Variants in DGKI observed in about 807,000 individuals in gnomAD.
The protein encoded by DGKI is DAG kinase iota.
In DGKI, 55 loss-of-function variants were observed where a neutral mutation model predicts 147.5. That is an observed-to-expected ratio of 0.37 (90% CI 0.30 to 0.47). The LOEUF (loss-of-function observed/expected upper bound fraction) is 0.47. Among genes scored for constraint, DGKI ranks in the 20% least tolerant of loss-of-function variants. DGKI has a pLI of 1.00. For missense variants in DGKI, 1,007 were observed against 1,323.8 expected (o/e 0.76, Z 3.71); for synonymous variants, 469 against 477.1 (o/e 0.98, Z 0.22).
chr7:137,618,629 GA>G lies in DGKI; in HGVS notation c.993+1194del, dbSNP rs928462843. The stretch of plus-strand genomic sequence containing the variant: ...GCCTTGGAGAGATTACCAAATTTTA[GA>G]AAAAAAAAATTTTAAAGTAGAAATG... On this transcript the variant is annotated intron_variant, in intron 8 of 32. Transcript: ENST00000614521. Among the ~76,000 whole-genome samples, 1,109 of 147,270 alleles carry G rather than the reference GA, an allele frequency of 7.5e-3. 17 individuals carry two copies. The highest frequency in any genetic ancestry group is 0.026 in the African/African-American group (1,029 of 40,288).
chr7:137,813,800 C>A (rs1019669622), intron 1 of DGKI, among the ~76,000 whole-genome samples: 6 of 152,152 alleles, frequency 3.9e-5, no homozygotes, highest in African/African-American at 1.4e-4. Context: ...CAAATTGAAT[C>A]TTTGAATTTC....
intron 1 of DGKI, among the ~76,000 whole-genome samples, chr7:137,713,240 C>G (rs1215909555): frequency 6.6e-6 from 1 of 152,116 alleles, no homozygotes; most frequent in Non-Finnish European, 1.5e-5. Flanking sequence ...AACTGCAGGA[C>G]CCCTGCTCAA....
At chr7:137,648,280 T>G (rs900119845) in intron 5 of DGKI, among the ~76,000 whole-genome samples, 1 of 152,222 alleles carries the variant, frequency 6.6e-6, no homozygotes, top group African/African-American at 2.4e-5. Flanking sequence ...AGAAGAAACA[T>G]GTTGGAAACA....
intron 20 of DGKI, among the ~76,000 whole-genome samples, chr7:137,546,733 C>G (rs1445508953): frequency 6.6e-6 from 1 of 152,208 alleles, no homozygotes; most frequent in Non-Finnish European, 1.5e-5. Flanking sequence ...TCTCTCCACT[C>G]TCTTATTTAA....
intron 19 of DGKI, among the ~76,000 whole-genome samples, chr7:137,555,115 C>A (rs1461376005): frequency 1.3e-5 from 2 of 151,564 alleles, no homozygotes; most frequent in African/African-American, 2.4e-5. Flanking sequence ...CAGGTTTCAC[C>A]GTGTTGGCCA....
intron 1 of DGKI, among the ~76,000 whole-genome samples, chr7:137,824,853 TC>T (rs1798010096): frequency 6.6e-6 from 1 of 152,208 alleles, no homozygotes; most frequent in Non-Finnish European, 1.5e-5. Context: ...GATAATGGCC[TC>T]CAGCTTCATC....
rs145835684 is a variant in DGKI, at chr7:137,407,460, T to G, written c.2920+415A>C. ...AAAAAAAAATGAGAAACTGGAAAGA[T>G]GCAAAACAATTATCCTCATGAATCT... On this transcript the variant is annotated intron_variant, in intron 30 of 32. Transcript: ENST00000614521. Among the ~76,000 whole-genome samples, 249 of 152,196 alleles carry G rather than the reference T, an allele frequency of 1.6e-3. 1 individual carries two copies. The highest frequency in any genetic ancestry group is 5.8e-3 in the African/African-American group (242 of 41,522).
rs1814919162 is a variant in DGKI at position 137,471,989 on chromosome 7, T to C, written c.2374-2370A>G. Among the ~76,000 whole-genome samples, 3 of 139,502 alleles carry C rather than the reference T, an allele frequency of 2.2e-5. No homozygotes were observed. In the South Asian group the frequency reaches 6.5e-4, roughly 30 times the overall value. The allele number at this position is 139,502 out of a possible 152,430, so 91.5% of individuals were successfully genotyped here. The stretch of plus-strand genomic sequence containing the variant: ...TATATACATGTGTATATATACATTA[T>C]ATTATATATGTATATACAGACATAT... On this transcript the variant is annotated intron_variant, in intron 23 of 32. Coordinates refer to ENST00000614521, the MANE Select transcript of DGKI (RefSeq NM_001321708.2).
At chr7:137,670,387 T>G (rs999121985) in intron 3 of DGKI, among the ~76,000 whole-genome samples, 1 of 152,184 alleles carries the variant, frequency 6.6e-6, no homozygotes, top group East Asian at 1.9e-4. Context: ...ACGATCCCCA[T>G]GACAGTTGTC....
At chr7:137,511,672 G>A (rs1816584778) in intron 21 of DGKI, among the ~76,000 whole-genome samples, 1 of 152,164 alleles carries the variant, frequency 6.6e-6, no homozygotes, top group Non-Finnish European at 1.5e-5. Context: ...TTGGTATGTG[G>A]GTGGCTCTTT....
chr7:137,704,085 C>A (rs2116525660), intron 1 of DGKI, among the ~76,000 whole-genome samples: 1 of 152,232 alleles, frequency 6.6e-6, no homozygotes, highest in African/African-American at 2.4e-5. Context: ...GCAGCACATA[C>A]CTGCAGTTCC....
intron 27 of DGKI, among the ~76,000 whole-genome samples, chr7:137,456,321 A>G (rs1216091798): frequency 3.3e-5 from 5 of 152,140 alleles, no homozygotes. Context: ...TTTACATATT[A>G]TTTTGTTATC....
chr7:137,795,993 A>G lies in DGKI; in HGVS notation c.401+50469T>C, dbSNP rs943125342. Among the ~76,000 whole-genome samples, 213 of 152,210 alleles carry G rather than the reference A, an allele frequency of 1.4e-3. 2 individuals carry two copies. The highest frequency in any genetic ancestry group is 8.8e-5 in the Non-Finnish European group (6 of 68,032). On this transcript the variant is annotated intron_variant, in intron 1 of 32. Transcript: ENST00000614521. ...ACACACAGCATCAACAACTACTACT[A>G]CTACTAGTAATGGCAACAAAAACAA...
chr7:137,487,762 C>T (rs1030316266), intron 21 of DGKI, 73 bp from the exon 22 acceptor site: 76 of 1,393,106 alleles, frequency 5.5e-5, no homozygotes, highest in Non-Finnish European at 6.8e-5. Context: ...ATGTGTTTCT[C>T]GTGGTTAAAA....
chr7:137,579,943 GAATTTTCTTCT>G (rs1819131098), intron 15 of DGKI, among the ~76,000 whole-genome samples: 1 of 152,034 alleles, frequency 6.6e-6, no homozygotes, highest in Non-Finnish European at 1.5e-5. Context: ...TTCCCCAAAA[GAATTTTCTTCT>G]AAGCCTGGTC....
chr7:137,608,882 G>A (rs1820271194), intron 10 of DGKI, 84 bp downstream of exon 10: 1 of 1,036,430 alleles, frequency 9.6e-7, no homozygotes, highest in East Asian at 2.5e-5. Flanking sequence ...GGATCCTAGT[G>A]GTACTATTTT....
At chr7:137,470,785 T>A (rs1029644686) in intron 23 of DGKI, among the ~76,000 whole-genome samples, 11 of 152,096 alleles carry the variant, frequency 7.2e-5, no homozygotes, top group Admixed American at 7.2e-4. Context: ...ATGTTTATTA[T>A]CTCCTGCTCC....
intron 1 of DGKI, among the ~76,000 whole-genome samples, chr7:137,765,554 A>C (rs1425563445): frequency 1.3e-5 from 2 of 152,156 alleles, no homozygotes; most frequent in Non-Finnish European, 2.9e-5. Flanking sequence ...GACCTCACTA[A>C]TGATATTCCT....
At chr7:137,723,948 T>C (rs1794644267) in intron 1 of DGKI, among the ~76,000 whole-genome samples, 1 of 151,946 alleles carries the variant, frequency 6.6e-6, no homozygotes. Flanking sequence ...GACCTTGTGA[T>C]CCGCCCACCT....
Sources: gnomAD v4.1 joint callset for allele counts (sites outside exome capture counted in the v4.1 genomes callset) on GRCh38, gnomAD v4.1.1 for gene constraint, MANE v1.5 for transcripts, NCBI Gene and HGNC (gene_info 2026-07-23, HGNC 2026-07-21) for gene names.